Variants in KANK1 observed in about 807,000 individuals in gnomAD.
The protein encoded by KANK1 is KN motif and ankyrin repeat domains 1, also known as KN motif and ankyrin repeat domain-containing protein 1.
A neutral mutation model predicts 106.2 loss-of-function variants in KANK1; 109 were observed. The observed-to-expected ratio is 1.03, with a 90% CI of 0.88 to 1.20. KANK1 has a LOEUF of 1.20. KANK1 is among the 50% of genes most tolerant of loss of function. KANK1 has a pLI of 0.00. For missense variants in KANK1, 2,399 were observed against 1,710.7 expected (o/e 1.40, Z -7.10); for synonymous variants, 873 against 652.2 (o/e 1.34, Z -5.16).
chr9:533,504 G>A (rs1307761243), intron 1 of KANK1, among the ~76,000 whole-genome samples: 1 of 152,140 alleles, frequency 6.6e-6, no homozygotes, highest in Non-Finnish European at 1.5e-5. Context: ...CATAGAAAAT[G>A]GAAAATTGTT....
chr9:643,666 C>T (rs1839003992), intron 1 of KANK1, among the ~76,000 whole-genome samples: 1 of 147,712 alleles, frequency 6.8e-6, no homozygotes, highest in African/African-American at 2.6e-5. Flanking sequence ...CGGTGTGAGC[C>T]AATGTGCCTA....
chr9:514,467 T>C (rs542349430), intron 1 of KANK1, among the ~76,000 whole-genome samples: 2 of 150,538 alleles, frequency 1.3e-5, no homozygotes, highest in South Asian at 2.1e-4. Context: ...CATATCCCCT[T>C]CTAGTCACAA....
At chr9:726,339 G>A (rs539227901) in intron 3 of KANK1, among the ~76,000 whole-genome samples, 9 of 152,036 alleles carry the variant, frequency 5.9e-5, no homozygotes, top group East Asian at 1.9e-4. Flanking sequence ...TCTAGTTTCC[G>A]TTAAACTTGA....
intron 3 of KANK1, among the ~76,000 whole-genome samples, chr9:497,145 A>G (rs2132395612): frequency 6.6e-6 from 1 of 152,274 alleles, no homozygotes; most frequent in African/African-American, 2.4e-5. Context: ...TCCAGGAACC[A>G]GAAGTGTGGG....
chr9:502,986 C>T (rs1173563597), upstream of KANK1, among the ~76,000 whole-genome samples: 3 of 150,896 alleles, frequency 2.0e-5, no homozygotes, highest in Non-Finnish European at 2.9e-5. Flanking sequence ...AGGCGCGCGC[C>T]ATCGCGCCCA....
At chr9:630,794 T>A (rs544965652) in intron 1 of KANK1, among the ~76,000 whole-genome samples, 1 of 152,084 alleles carries the variant, frequency 6.6e-6, no homozygotes, top group East Asian at 1.9e-4. Context: ...TCCCAGCTCC[T>A]TGGGAGGCTG....
intron 1 of KANK1, among the ~76,000 whole-genome samples, chr9:618,265 G>T (rs1832317188): frequency 6.6e-6 from 1 of 152,110 alleles, no homozygotes; most frequent in Non-Finnish European, 1.5e-5. Flanking sequence ...CTAAAGTGCA[G>T]TGGCGTGATC....
intron 1 of KANK1, among the ~76,000 whole-genome samples, chr9:574,475 C>CTGGGAAAATG (rs1237207237): frequency 8.0e-5 from 8 of 100,366 alleles, no homozygotes; most frequent in East Asian, 2.2e-4. Context: ...TGAAGTATGT[C>CTGGGAAAATG]ATTTATATGA....
At chr9:630,483 G>A (rs551486094) in intron 1 of KANK1, among the ~76,000 whole-genome samples, 30 of 150,524 alleles carry the variant, frequency 2.0e-4, no homozygotes, top group African/African-American at 5.9e-4. Flanking sequence ...CCCGGGAGGC[G>A]GAGCTTGCAG....
chr9:655,524 G>A (rs1841952774), intron 1 of KANK1, among the ~76,000 whole-genome samples: 2 of 152,162 alleles, frequency 1.3e-5, no homozygotes, highest in Non-Finnish European at 2.9e-5. Context: ...AAATCACCTG[G>A]GGGTCTTGCT....
At chr9:651,279 A>T (rs993638616) in intron 1 of KANK1, among the ~76,000 whole-genome samples, 4 of 152,146 alleles carry the variant, frequency 2.6e-5, no homozygotes, top group East Asian at 1.9e-4. Flanking sequence ...TTTTCTTTAT[A>T]TTCTTTGTTC....
intron 1 of KANK1, among the ~76,000 whole-genome samples, chr9:507,331 G>C (rs2058806780): frequency 6.6e-6 from 1 of 151,990 alleles, no homozygotes; most frequent in Non-Finnish European, 1.5e-5. Flanking sequence ...CTCCAGCCTA[G>C]ATGACCGAGC....
intron 1 of KANK1, among the ~76,000 whole-genome samples, chr9:650,832 A>G (rs1248170228): frequency 6.6e-6 from 1 of 152,180 alleles, no homozygotes; most frequent in African/African-American, 2.4e-5. Context: ...TAATTCCAGT[A>G]ACGGCTTATT....
intron 1 of KANK1, among the ~76,000 whole-genome samples, chr9:611,625 TCTGA>T (rs1319185789): frequency 6.6e-6 from 1 of 152,220 alleles, no homozygotes; most frequent in East Asian, 1.9e-4. Context: ...ACACTAATTA[TCTGA>T]CTGTCAAATG....
chr9:681,451 T>C (rs1180713087), intron 2 of KANK1, among the ~76,000 whole-genome samples: 1 of 152,172 alleles, frequency 6.6e-6, no homozygotes, highest in African/African-American at 2.4e-5. Context: ...AATGCACTGA[T>C]TGATACCTCT....
At chr9:545,700 C>G (rs1289520595) in intron 1 of KANK1, among the ~76,000 whole-genome samples, 2 of 146,094 alleles carry the variant, frequency 1.4e-5, no homozygotes, top group East Asian at 4.0e-4. Flanking sequence ...TATGGAGATG[C>G]AGTACTGTTG....
At chr9:667,990 C>G (rs974617320) in intron 1 of KANK1, among the ~76,000 whole-genome samples, 2 of 152,264 alleles carry the variant, frequency 1.3e-5, no homozygotes, top group East Asian at 1.9e-4. Flanking sequence ...CTCAGCCTCC[C>G]AAAGTACTGG....
chr9:478,372 T>A (rs1300653480), intron 3 of KANK1: 2 of 152,446 alleles, frequency 1.3e-5, no homozygotes, highest in African/African-American at 4.8e-5. Context: ...AGGAAAAAAT[T>A]TCAATAAAGG....
At chr9:545,361 C>A (rs2060863683) in intron 1 of KANK1, among the ~76,000 whole-genome samples, 1 of 152,030 alleles carries the variant, frequency 6.6e-6, no homozygotes, top group Non-Finnish European at 1.5e-5. Context: ...GAGCTTGAAC[C>A]CTGCATTTGA....
Sources: gnomAD v4.1 joint callset for allele counts (sites outside exome capture counted in the v4.1 genomes callset) on GRCh38, gnomAD v4.1.1 for gene constraint, MANE v1.5 for transcripts, NCBI Gene and HGNC (gene_info 2026-07-23, HGNC 2026-07-21) for gene names.